Variants in SPATA22 observed in about 807,000 individuals in gnomAD.
SPATA22 encodes the protein spermatogenesis associated 22.
SPATA22 carries 29 observed loss-of-function variants against 47.8 expected under a neutral mutation model. That is an observed-to-expected ratio of 0.61 (90% CI 0.45 to 0.83). The LOEUF (loss-of-function observed/expected upper bound fraction) is 0.83, where lower values mean the gene tolerates loss of function less well. Among genes scored for constraint, SPATA22 ranks in the 40% least tolerant of loss-of-function variants. SPATA22 has a pLI of 0.00. For synonymous variants in SPATA22, 133 were observed against 140.9 expected, an observed-to-expected ratio of 0.94 and a Z score of 0.40; for missense variants, 410 against 421.7, an observed-to-expected ratio of 0.97 and a Z score of 0.24.
rs754087904 is a variant in SPATA22, at chr17:3,481,798, G to A, written c.-73-12400C>T. On this transcript the variant is annotated intron_variant, in intron 1 of 8. Coordinates refer to the SPATA22 transcript ENST00000541913. ...TAATTCAGATGTTTCATTACATTAA[G>A]GTAATGTTAATGTTATTAATTTATA... The A allele has an allele frequency of 8.2e-6, 13 of 1,586,074 alleles. No homozygotes were observed. The highest frequency in any genetic ancestry group is 1.0e-5 in the Non-Finnish European group (12 of 1,158,820).
chr17:3,471,917 C>G, upstream of SPATA22: 2 of 952,936 alleles, frequency 2.1e-6, no homozygotes. Context: ...TGGCCGGGCG[C>G]GATGACGTTA....
At chr17:3,461,596 G>C (rs2073126606) in intron 5 of SPATA22, among the ~76,000 whole-genome samples, 1 of 151,906 alleles carries the variant, frequency 6.6e-6, no homozygotes, top group Non-Finnish European at 1.5e-5. Flanking sequence ...CTGACAGACT[G>C]GTCCTGGGGA....
At chr17:3,464,123 GGCGC>G (rs552536104) in intron 3 of SPATA22, among the ~76,000 whole-genome samples, 1 of 152,024 alleles carries the variant, frequency 6.6e-6, no homozygotes, top group Admixed American at 6.6e-5. Context: ...TGCGATTGCA[GGCGC>G]GCGCCGCCAC....
At chr17:3,470,472 G>A (rs1036937859) in intron 1 of SPATA22, among the ~76,000 whole-genome samples, 4 of 152,052 alleles carry the variant, frequency 2.6e-5, no homozygotes, top group Admixed American at 1.3e-4. Context: ...GAAACAGGCC[G>A]GGTGCAGTGG....
chr17:3,504,089 T>TC (rs2074019215), intron 1 of SPATA22, among the ~76,000 whole-genome samples: 1 of 151,720 alleles, frequency 6.6e-6, no homozygotes, highest in African/African-American at 2.4e-5. Flanking sequence ...CCCAGAACTC[T>TC]CCCCCACTGT....
chr17:3,477,929 T>TC (rs1400935594), intron 1 of SPATA22, among the ~76,000 whole-genome samples: 1 of 151,532 alleles, frequency 6.6e-6, no homozygotes, highest in African/African-American at 2.4e-5. Flanking sequence ...ACACCTGTAA[T>TC]CCCAACACTT....
At chr17:3,445,301 A>C (rs759300959) in intron 7 of SPATA22, among the ~76,000 whole-genome samples, 6 of 152,118 alleles carry the variant, frequency 3.9e-5, no homozygotes, top group Non-Finnish European at 7.4e-5. Flanking sequence ...ACAAAATAAG[A>C]GCTAAGTCAA....
chr17:3,473,027 G>C (rs2150739248), upstream of SPATA22, among the ~76,000 whole-genome samples: 1 of 150,444 alleles, frequency 6.6e-6, no homozygotes, highest in African/African-American at 2.4e-5. Context: ...CTTCAGGGAA[G>C]CAGATTTTGA....
At chr17:3,509,837 GA>G (rs2074088586) in intron 1 of SPATA22, among the ~76,000 whole-genome samples, 1 of 18,822 alleles carries the variant, frequency 5.3e-5, no homozygotes, top group Non-Finnish European at 3.5e-4. Context: ...ATTGTTTCCT[GA>G]CTTTTTAATA....
chr17:3,506,150 A>C (rs966484216), intron 1 of SPATA22, among the ~76,000 whole-genome samples: 26 of 152,288 alleles, frequency 1.7e-4, no homozygotes, highest in Non-Finnish European at 3.4e-4. Context: ...TTCCCAAAGC[A>C]GACACACCAA....
At chr17:3,468,794 A>C (rs747884005) in intron 2 of SPATA22, 7 of 313,366 alleles carry the variant, frequency 2.2e-5, no homozygotes, top group Non-Finnish European at 3.3e-5. Context: ...ATATATAATT[A>C]ATGTCTTGAA....
At chr17:3,471,598 G>T in intron 1 of SPATA22, 84 bp downstream of exon 1, 2 of 985,240 alleles carry the variant, frequency 2.0e-6, no homozygotes, top group Non-Finnish European at 2.4e-6. Context: ...TGGGAGAGAA[G>T]AGGCTCCAGT....
At chr17:3,482,480 G>T (rs2150747514) in intron 1 of SPATA22, among the ~76,000 whole-genome samples, 1 of 152,254 alleles carries the variant, frequency 6.6e-6, no homozygotes, top group Non-Finnish European at 1.5e-5. Flanking sequence ...TGAGAGCAAG[G>T]ATGATTGAGA....
At position 3,471,688 on chromosome 17, in the gene SPATA22, T is replaced by A; in HGVS notation, c.-80A>T. ...CAGTTTGGTATCAACGCACAGTCTT[T>A]CCCTTCTAGGCCCTCCTGCCAACAC... On this transcript the variant is annotated 5_prime_UTR_variant, in exon 1 of 9. Transcript: ENST00000572969. 1 of 985,372 alleles carries A rather than the reference T, an allele frequency of 1.0e-6. No individual in the cohort carries two copies. Among genetic ancestry groups the A allele is most frequent in the East Asian group, 1.1e-4 (1 of 8,780 alleles). 61.0% of individuals were successfully genotyped at this position (985,372 alleles called of 1,614,324 possible).
chr17:3,443,448 G>A (rs765738062), intron 7 of SPATA22, among the ~76,000 whole-genome samples, 177 bp from the exon 8 acceptor site: 9 of 151,924 alleles, frequency 5.9e-5, no homozygotes, highest in Non-Finnish European at 1.2e-4. Context: ...TTTATAGGTA[G>A]GAAAACAAAA....
rs764093501 is a variant in SPATA22, at chr17:3,483,635, C to T, written c.-73-14237G>A. ...CTGTCATAACTCAATAAAATATGTC[C>T]TAGCTGAAACTCAGAGAAATTTATT... is the stretch of plus-strand genomic sequence containing the variant. On this transcript the variant is annotated intron_variant, in intron 1 of 8. Coordinates refer to the SPATA22 transcript ENST00000541913. 1.0e-5 allele frequency: 15 copies of T among 1,491,556 alleles called. No homozygotes were observed. The South Asian group carries it at 1.7e-4, about 17-fold the overall frequency. 92.4% of individuals were successfully genotyped at this position (1,491,556 alleles called of 1,614,324 possible).
intron 1 of SPATA22, chr17:3,499,078 G>T: frequency 6.2e-7 from 1 of 1,613,822 alleles, no homozygotes; most frequent in Non-Finnish European, 8.5e-7. Flanking sequence ...ATTCGCTGCT[G>T]TTTACATTAG....
At chr17:3,456,419 T>A (rs12947781) in intron 5 of SPATA22, among the ~76,000 whole-genome samples, 1 of 128,042 alleles carries the variant, frequency 7.8e-6, no homozygotes, top group Admixed American at 8.6e-5. Flanking sequence ...ACTACAAACA[T>A]CTCTACACAA....
intron 8 of SPATA22, 49 bp downstream of exon 8, chr17:3,443,125 T>C: frequency 7.9e-7 from 1 of 1,270,436 alleles, no homozygotes; most frequent in Non-Finnish European, 1.1e-6. Context: ...CCTGCATGTT[T>C]ATATTCTGTT....
Sources: gnomAD v4.1 joint callset for allele counts (sites outside exome capture counted in the v4.1 genomes callset) on GRCh38, gnomAD v4.1.1 for gene constraint, MANE v1.5 for transcripts, NCBI Gene and HGNC (gene_info 2026-07-23, HGNC 2026-07-21) for gene names.